The following TBX21 variants were observed in gnomAD, a reference collection of about 807,000 sequenced individuals.
TBX21 encodes T-box transcription factor 21, also known as T-box transcription factor TBX21.
TBX21 carries 11 observed loss-of-function variants against 52.2 expected under a neutral mutation model. The observed-to-expected ratio is 0.21, with a 90% CI of 0.13 to 0.35. The LOEUF (loss-of-function observed/expected upper bound fraction) is 0.35. Among genes scored for constraint, TBX21 ranks in the 10% least tolerant of loss-of-function variants. TBX21 has a pLI of 1.00. For missense variants in TBX21, 625 were observed against 755.1 expected, an observed-to-expected ratio of 0.83 and a Z score of 2.02; for synonymous variants, 300 against 316.1, an observed-to-expected ratio of 0.95 and a Z score of 0.54.
intron 1 of TBX21, among the ~76,000 whole-genome samples, chr17:47,739,459 TTAAAAAAAAATCA>T: frequency 2.0e-5 from 2 of 100,384 alleles, no homozygotes; most frequent in Admixed American, 2.4e-4. Flanking sequence ...ACTCCATCTC[TTAAAAAAAAATCA>T]GTATGGCCTG....
Position 47,733,502 on chromosome 17 carries a change from G to T in TBX21, c.48G>T (p.Glu16Asp). The change falls in exon 1 of 6, where the codon GAG becomes GAT. Residue 16 changes from glutamate to aspartate, a missense_variant. This residue lies in a region of TBX21 where 221 missense variants were observed against 204.9 expected (regional missense o/e 1.08). Transcript: ENST00000177694. This position sits in a 1 kb window ranked among gnomAD's most constrained non-coding sequence, Gnocchi z 6.6. The stretch of plus-strand genomic sequence containing the variant: ...GCGGAGACATGCTGACGGGCACCGA[G>T]CCGATGCCGGGGAGCGACGAGGGCC... The part of the protein sequence containing the change: ...PGCGDMLTGT[E>D]PMPGSDEGRA... 6.7e-7 allele frequency: 1 copy of T among 1,495,272 alleles called. No homozygotes were observed. 92.6% of individuals were successfully genotyped at this position (1,495,272 alleles called of 1,614,324 possible). A position where few individuals can be genotyped will look rare whatever the true frequency, so the allele number is the denominator to read the frequency against.
intron 5 of TBX21, 52 bp from the exon 6 acceptor site, chr17:47,744,696 A>G: frequency 6.3e-7 from 1 of 1,598,196 alleles, no homozygotes; most frequent in Non-Finnish European, 8.5e-7. Flanking sequence ...GTAGGCTCAC[A>G]GGTGACTGGT....
At chr17:47,734,602 TGTGTGTGTATGTGTGTGTGG>T (rs1437401029) in intron 1 of TBX21, among the ~76,000 whole-genome samples, 2,166 of 119,956 alleles carry the variant, frequency 0.018, 13 homozygotes, top group South Asian at 0.022. Flanking sequence ...TGTGTGTGTG[TGTGTGTGTATGTGTGTGTGG>T]GTGTGTGTGT....
Position 47,733,687 on chromosome 17 carries a change from C to A in TBX21, c.233C>A (p.Pro78Gln). 1 of 1,430,800 alleles carries A rather than the reference C, an allele frequency of 7.0e-7. No individual in the cohort carries two copies. Among genetic ancestry groups the A allele is most frequent in the African/African-American group, 1.5e-5 (1 of 66,728 alleles). 88.6% of individuals were successfully genotyped at this position (1,430,800 alleles called of 1,614,324 possible). The change falls in exon 1 of 6, where the codon CCG (proline) becomes CAG (glutamine). Residue 78 changes from proline (P) to glutamine (Q), a missense_variant. By Grantham distance (76) the Pro-to-Gln change is moderately conservative. Coordinates refer to ENST00000177694, the MANE Select transcript of TBX21 (RefSeq NM_013351.2). The surrounding 1 kb of genome is among the most constrained non-coding windows in gnomAD (Gnocchi z 6.6). ...CGCTTCCTTGGAGCCTACGCCTACC[C>A]GCCGCGACCCCAGGCGGCCGGCTTC... Reference protein sequence around the residue: ...PSRFLGAYAYPPRPQAAGFPG... With the variant: ...PSRFLGAYAYQPRPQAAGFPG...
intron 1 of TBX21, among the ~76,000 whole-genome samples, chr17:47,734,610 T>TGTGTGTGTGTGTGG (rs2032186665): frequency 1.5e-5 from 1 of 68,072 alleles, no homozygotes; most frequent in Non-Finnish European, 3.2e-5. Context: ...TGTGTGTGTG[T>TGTGTGTGTGTGTGG]ATGTGTGTGT....
At position 47,744,442 on chromosome 17, in the gene TBX21, A is replaced by T. The variant is rs897827577; in HGVS notation, c.928-40A>T. The T allele has an allele frequency of 5.6e-6, 9 of 1,613,822 alleles. No homozygotes were observed. In the African/African-American group the frequency reaches 1.1e-4, roughly 19 times the overall value. On this transcript the variant is annotated intron_variant, in intron 4 of 5. Coordinates refer to ENST00000177694, the MANE Select transcript of TBX21 (RefSeq NM_013351.2). ...GGGATTTGGAAAGTTCCCGAGCCCCAGACTCAGGACTCAGGTGACTCTATT... is the reference window on the plus strand; with the variant it reads ...GGGATTTGGAAAGTTCCCGAGCCCCTGACTCAGGACTCAGGTGACTCTATT...
chr17:47,734,344 G>A (rs2032178106), intron 1 of TBX21, among the ~76,000 whole-genome samples: 1 of 152,132 alleles, frequency 6.6e-6, no homozygotes, highest in African/African-American at 2.4e-5. Context: ...GTGGGAAACT[G>A]GAGGGGAAGG....
chr17:47,737,707 C>A (rs934289664), intron 1 of TBX21, among the ~76,000 whole-genome samples: 2 of 151,996 alleles, frequency 1.3e-5, no homozygotes, highest in South Asian at 2.1e-4. Context: ...CTCACTGCAA[C>A]CTGCACCTCC....
At position 47,745,945 on chromosome 17, in the gene TBX21, C is replaced by T. The variant is rs988836026; in HGVS notation, c.*579C>T. 4 of 152,354 alleles carry T rather than the reference C, an allele frequency of 2.6e-5. No individual in the cohort carries two copies. The highest frequency in any genetic ancestry group is 5.9e-5 in the Non-Finnish European group (4 of 68,222). The allele number at this position is 152,354 out of a possible 1,614,324, so 9.4% of individuals were successfully genotyped here. A position where few individuals can be genotyped will look rare whatever the true frequency, so the allele number is the denominator to read the frequency against. ...AAAGGGGCTGGAAAGGGGGGAATGG[C>T]CCACATCTCAAGAAGCAAGATATTG... On this transcript the variant is annotated 3_prime_UTR_variant, in exon 6 of 6. Coordinates refer to ENST00000177694, the MANE Select transcript of TBX21 (RefSeq NM_013351.2).
Position 47,733,775 on chromosome 17 carries a change from C to T in TBX21, c.321C>T (p.Gly107=), listed in dbSNP as rs2032170264. The change falls in exon 1 of 6, where the codon GGC becomes GGT. Residue 107 remains glycine, a synonymous_variant. Coordinates refer to ENST00000177694, the MANE Select transcript of TBX21 (RefSeq NM_013351.2). The surrounding 1 kb of genome is among the most constrained non-coding windows in gnomAD (Gnocchi z 6.6). ...ADAEGYQPGE[G]YAAPDPRAGL... ...CCGAGGGCTACCAGCCGGGCGAGGG[C>T]TACGCCGCCCCGGACCCGCGCGCCG... 1 of 1,536,008 alleles carries T rather than the reference C, an allele frequency of 6.5e-7. No homozygotes were observed. Among genetic ancestry groups the T allele is most frequent in the Non-Finnish European group, 8.8e-7 (1 of 1,142,200 alleles).
In TBX21 at chr17:47,733,658, G is replaced by A. The variant is rs2032168047; in HGVS notation, c.204G>A (p.Pro68=). The change falls in exon 1 of 6, where the codon CCG becomes CCA. Residue 68 remains proline, a synonymous_variant. Transcript: ENST00000177694. This position sits in a 1 kb window ranked among gnomAD's most constrained non-coding sequence, Gnocchi z 6.6. ...YPGGALVPAP[P]SRFLGAYAYP... ...GGGGCGCCTTGGTGCCCGCCCCGCC[G>A]AGCCGCTTCCTTGGAGCCTACGCCT... 8 of 1,453,574 alleles carry A rather than the reference G, an allele frequency of 5.5e-6. No individual in the cohort carries two copies. The highest frequency in any genetic ancestry group is 4.5e-6 in the Non-Finnish European group (5 of 1,106,268). 90.0% of individuals were successfully genotyped at this position (1,453,574 alleles called of 1,614,324 possible).
chr17:47,745,289 A>C lies in TBX21; in HGVS notation c.1531A>C (p.Ser511Arg). Reference protein sequence around the residue: ...RVSPYPSSGDSSSPAGAPSPF... With the variant: ...RVSPYPSSGDRSSPAGAPSPF... The stretch of plus-strand genomic sequence containing the variant: ...GTCCCCCTATCCTTCCAGTGGTGAC[A>C]GCTCCTCCCCTGCTGGGGCCCCTTC... Residue 511 changes from serine to arginine, a missense_variant, in exon 6 of 6, where the codon AGC becomes CGC. Coordinates refer to ENST00000177694, the MANE Select transcript of TBX21 (RefSeq NM_013351.2). The C allele has an allele frequency of 6.2e-7, 1 of 1,614,190 alleles. No individual in the cohort carries two copies.
At chr17:47,739,153 C>A (rs1474020130) in intron 1 of TBX21, among the ~76,000 whole-genome samples, 1 of 152,092 alleles carries the variant, frequency 6.6e-6, no homozygotes, top group Non-Finnish European at 1.5e-5. Flanking sequence ...CAATTTGACA[C>A]CAGACCCATC....
intron 1 of TBX21, among the ~76,000 whole-genome samples, chr17:47,734,161 C>T (rs1232119743): frequency 1.3e-5 from 2 of 152,212 alleles, no homozygotes; most frequent in Non-Finnish European, 2.9e-5. Flanking sequence ...AGAGGACTCA[C>T]AAGGGAGACG....
intron 3 of TBX21, among the ~76,000 whole-genome samples, chr17:47,743,879 C>CAAAAAAA (rs772309900): frequency 4.8e-5 from 3 of 62,054 alleles, no homozygotes; most frequent in Admixed American, 1.7e-4. Flanking sequence ...GACTCCGTCT[C>CAAAAAAA]AAAAAAAAAA....
chr17:47,733,549 A>C lies in TBX21; in HGVS notation c.95A>C (p.Gln32Pro). 1 of 1,489,720 alleles carries C rather than the reference A, an allele frequency of 6.7e-7. No individual in the cohort carries two copies. Among genetic ancestry groups the C allele is most frequent in the Non-Finnish European group, 8.9e-7 (1 of 1,126,660 alleles). 92.3% of individuals were successfully genotyped at this position (1,489,720 alleles called of 1,614,324 possible). Residue 32 changes from glutamine to proline, a missense_variant, in exon 1 of 6, where the codon CAG becomes CCG. Physicochemically the swap from Gln to Pro is moderately conservative, Grantham distance 76. Around this residue, in one of 4 missense-constraint regions of TBX21, gnomAD observed 221 missense variants for 204.9 expected, o/e 1.08. Transcript: ENST00000177694. This position sits in a 1 kb window ranked among gnomAD's most constrained non-coding sequence, Gnocchi z 6.6. ...DEGRAPGADP[Q>P]HRYFYPEPGA... Reference sequence around the variant, plus strand: ...GGCCGGGCGCCTGGCGCCGACCCGCAGCACCGCTACTTCTACCCGGAGCCG... The same window carrying C: ...GGCCGGGCGCCTGGCGCCGACCCGCCGCACCGCTACTTCTACCCGGAGCCG...
In TBX21 at chr17:47,733,786, C is replaced by G. The variant is rs758874567; in HGVS notation, c.332C>G (p.Pro111Arg). 30 of 1,557,118 alleles carry G rather than the reference C, an allele frequency of 1.9e-5. No homozygotes were observed. Among genetic ancestry groups the G allele is most frequent in the Non-Finnish European group, 1.9e-5 (22 of 1,152,372 alleles). ...GYQPGEGYAAPDPRAGLYPGP... is the reference protein window; with the variant it reads ...GYQPGEGYAARDPRAGLYPGP... ...CAGCCGGGCGAGGGCTACGCCGCCC[C>G]GGACCCGCGCGCCGGGCTCTACCCG... is the stretch of plus-strand genomic sequence containing the variant. The change falls in exon 1 of 6, where the codon CCG (proline) becomes CGG (arginine). Residue 111 changes from proline (P) to arginine (R), a missense_variant. This residue lies in a region of TBX21 where 221 missense variants were observed against 204.9 expected (regional missense o/e 1.08). Coordinates refer to ENST00000177694, the MANE Select transcript of TBX21 (RefSeq NM_013351.2). This position sits in a 1 kb window ranked among gnomAD's most constrained non-coding sequence, Gnocchi z 6.6.
At position 47,740,935 on chromosome 17, in the gene TBX21, C is replaced by G. The variant is rs1166234326; in HGVS notation, c.492-1675C>G. ...AAAACAGTTCCTAGGCCCCTGGAAC[C>G]CTCCCTCCTCCAGGTTTCCTGACTC... On this transcript the variant is annotated intron_variant, in intron 1 of 5. Transcript: ENST00000177694. Among the ~76,000 whole-genome samples the G allele has an allele frequency of 2.6e-5, 4 of 152,110 alleles. No individual in the cohort carries two copies. In the East Asian group the frequency reaches 7.7e-4, roughly 29 times the overall value.
chr17:47,744,797 T>C lies in TBX21; in HGVS notation c.1039T>C (p.Cys347Arg), dbSNP rs750009206. The C allele has an allele frequency of 1.2e-6, 2 of 1,614,008 alleles. No homozygotes were observed. Among genetic ancestry groups the C allele is most frequent in the African/African-American group, 2.7e-5 (2 of 74,906 alleles). Residue 347 changes from cysteine to arginine, a missense_variant, in exon 6 of 6, where the codon TGT becomes CGT. This residue lies in a region of TBX21 where 261 missense variants were observed against 275.1 expected (regional missense o/e 0.95). Transcript: ENST00000177694. ...TSIPSPPGPN[C>R]QFLGGDHYSP... ...CATCCCCTCCCCGCCTGGACCCAAC[T>C]GTCAATTCCTTGGGGGAGATCACTA...
Sources: gnomAD v4.1 joint callset for allele counts (sites outside exome capture counted in the v4.1 genomes callset) on GRCh38, gnomAD v4.1.1 for gene constraint, gnomAD v4.1.1 regional missense constraint, Gnocchi (gnomAD v3.1) non-coding constraint, MANE v1.5 for transcripts, NCBI Gene and HGNC (gene_info 2026-07-23, HGNC 2026-07-21) for gene names.